The following SH3BGRL2 variants were observed in gnomAD, a reference collection of about 807,000 sequenced individuals.
The protein encoded by SH3BGRL2 is SH3 domain-binding glutamic acid-rich-like protein 2.
A neutral mutation model predicts 14.8 loss-of-function variants in SH3BGRL2; 21 were observed. That is an observed-to-expected ratio of 1.42 (90% CI 1.01 to 2.05). The LOEUF is 2.05. SH3BGRL2 is among the 30% of genes most tolerant of loss of function. The pLI is 0.00. For synonymous variants in SH3BGRL2, 50 were observed against 47.8 expected (o/e 1.05, Z -0.19); for missense variants, 147 against 130.8 (o/e 1.12, Z -0.61).
the SH3BGRL2 span, among the ~76,000 whole-genome samples, chr6:79,562,559 A>G: frequency 6.6e-6 from 1 of 152,188 alleles, no homozygotes; most frequent in African/African-American, 2.4e-5. Flanking sequence ...ATTCCTTAAA[A>G]GATAATCTTT....
chr6:79,681,113 A>G (rs1333930576), intron 2 of SH3BGRL2, among the ~76,000 whole-genome samples: 4 of 152,194 alleles, frequency 2.6e-5, no homozygotes, highest in Non-Finnish European at 4.4e-5. Flanking sequence ...TGAGGATGCC[A>G]TATCTAGAGT....
At chr6:79,553,965 CT>C in the SH3BGRL2 span, among the ~76,000 whole-genome samples, 1 of 135,166 alleles carries the variant, frequency 7.4e-6, no homozygotes, top group Admixed American at 7.6e-5. Flanking sequence ...GAGACTCTGT[CT>C]CAAAAAAAAA....
chr6:79,632,116 T>C (rs1013133936), intron 1 of SH3BGRL2, among the ~76,000 whole-genome samples: 1 of 152,216 alleles, frequency 6.6e-6, no homozygotes, highest in African/African-American at 2.4e-5. Flanking sequence ...TTTACATCTT[T>C]ATGTAAATGT....
At chr6:79,605,719 A>C in the SH3BGRL2 span, among the ~76,000 whole-genome samples, 1 of 152,228 alleles carries the variant, frequency 6.6e-6, no homozygotes, top group Non-Finnish European at 1.5e-5. Context: ...TGAAAGTCAA[A>C]ATGTGAGTTT....
the SH3BGRL2 span, among the ~76,000 whole-genome samples, chr6:79,551,793 A>C: frequency 6.6e-6 from 1 of 152,302 alleles, no homozygotes. Context: ...CCCTATATGT[A>C]AAAATGCCTT....
intron 1 of SH3BGRL2, among the ~76,000 whole-genome samples, chr6:79,647,743 G>T (rs1769172247): frequency 6.6e-6 from 1 of 152,234 alleles, no homozygotes; most frequent in East Asian, 1.9e-4. Flanking sequence ...CTGTTTTTAA[G>T]ATTCTAAAAA....
intron 1 of SH3BGRL2, among the ~76,000 whole-genome samples, chr6:79,648,276 A>ATC (rs1769186109): frequency 7.6e-6 from 1 of 131,212 alleles, no homozygotes; most frequent in Non-Finnish European, 1.6e-5. Context: ...ATATATATAT[A>ATC]TATATATTTG....
the SH3BGRL2 span, among the ~76,000 whole-genome samples, chr6:79,583,845 A>C: frequency 6.6e-6 from 1 of 152,202 alleles, no homozygotes; most frequent in East Asian, 1.9e-4. Flanking sequence ...TGTCTAAATG[A>C]TGAGATAAAA....
At chr6:79,641,147 CTTTT>C (rs1436877079) in intron 1 of SH3BGRL2, among the ~76,000 whole-genome samples, 13 of 117,500 alleles carry the variant, frequency 1.1e-4, no homozygotes, top group Admixed American at 7.5e-4. Context: ...TTCTCTCACC[CTTTT>C]GTGTGTGTGT....
chr6:79,620,114 T>G, the SH3BGRL2 span, among the ~76,000 whole-genome samples: 3 of 152,128 alleles, frequency 2.0e-5, no homozygotes, highest in Non-Finnish European at 2.9e-5. Flanking sequence ...TTTTCTTTCC[T>G]GCTGTGTTCC....
chr6:79,602,233 T>G, the SH3BGRL2 span, among the ~76,000 whole-genome samples: 77 of 152,300 alleles, frequency 5.1e-4, no homozygotes, highest in Middle Eastern at 3.4e-3. Context: ...CTCATAGACC[T>G]TAGAGTCTAC....
intron 2 of SH3BGRL2, among the ~76,000 whole-genome samples, chr6:79,675,320 A>G (rs1043495570): frequency 6.6e-6 from 1 of 152,164 alleles, no homozygotes; most frequent in African/African-American, 2.4e-5. Flanking sequence ...TTTCGCTGCT[A>G]CGATTGAGAT....
chr6:79,587,176 G>T, the SH3BGRL2 span, among the ~76,000 whole-genome samples: 1 of 152,118 alleles, frequency 6.6e-6, no homozygotes, highest in African/African-American at 2.4e-5. Context: ...TTATCTGGCA[G>T]AAAATTATAA....
chr6:79,657,738 T>C (rs1403895231), intron 1 of SH3BGRL2, among the ~76,000 whole-genome samples: 5 of 152,110 alleles, frequency 3.3e-5, no homozygotes, highest in Admixed American at 6.6e-5. Flanking sequence ...TGCCTCAGCC[T>C]CCTGAGTAGC....
intron 1 of SH3BGRL2, among the ~76,000 whole-genome samples, chr6:79,672,366 T>G (rs532353741): frequency 1.6e-4 from 25 of 152,352 alleles, no homozygotes; most frequent in African/African-American, 6.0e-4. Flanking sequence ...CTTCAAGAAT[T>G]TTTTAAAACA....
chr6:79,572,535 A>G, the SH3BGRL2 span, among the ~76,000 whole-genome samples: 3 of 151,896 alleles, frequency 2.0e-5, no homozygotes, highest in Non-Finnish European at 2.9e-5. Flanking sequence ...GCGTGATCTC[A>G]GCTCACTGCA....
At chr6:79,657,653 G>A (rs1769450227) in intron 1 of SH3BGRL2, among the ~76,000 whole-genome samples, 1 of 151,388 alleles carries the variant, frequency 6.6e-6, no homozygotes, top group African/African-American at 2.4e-5. Context: ...TTTCGCTCTT[G>A]TTGCCCAGGC....
chr6:79,637,501 G>A (rs1235642784), intron 1 of SH3BGRL2, among the ~76,000 whole-genome samples: 3 of 151,956 alleles, frequency 2.0e-5, no homozygotes, highest in Admixed American at 2.0e-4. Flanking sequence ...GACCAGCCTG[G>A]CCAGTATATA....
the SH3BGRL2 span, among the ~76,000 whole-genome samples, chr6:79,609,053 G>GTA: frequency 6.6e-6 from 1 of 152,170 alleles, no homozygotes; most frequent in Non-Finnish European, 1.5e-5. Flanking sequence ...ACTGGAACCA[G>GTA]GCAGGATGGA....
Sources: allele counts gnomAD v4.1 joint callset (sites outside exome capture counted in the v4.1 genomes callset), GRCh38; gene constraint gnomAD v4.1.1; transcripts MANE v1.5; gene names NCBI Gene and HGNC (gene_info 2026-07-23, HGNC 2026-07-21).